Variants in RABGAP1 observed in about 807,000 individuals in gnomAD.
RABGAP1 encodes the protein rab GTPase-activating protein 1.
RABGAP1 carries 23 observed loss-of-function variants against 137.6 expected under a neutral mutation model. The observed-to-expected ratio is 0.17, with a 90% CI of 0.12 to 0.24. The LOEUF (loss-of-function observed/expected upper bound fraction) is 0.24. Ranked by LOEUF, RABGAP1 falls within the 10% of genes least tolerant of loss-of-function variation. The pLI is 1.00. For missense variants in RABGAP1, 906 were observed against 1,275.8 expected (o/e 0.71, Z 4.42); for synonymous variants, 451 against 450.7 (o/e 1.00, Z -0.01).
At position 122,997,264 on chromosome 9, in the gene RABGAP1, T is replaced by G; in HGVS notation, c.1107T>G (p.Ser369=). 1.2e-6 allele frequency: 2 copies of G among 1,603,332 alleles called. No individual in the cohort carries two copies. Among genetic ancestry groups the G allele is most frequent in the Non-Finnish European group, 1.7e-6 (2 of 1,175,380 alleles). Residue 369 remains serine, a synonymous_variant, in exon 9 of 26, where the codon TCT becomes TCG. Coordinates refer to ENST00000373647, the MANE Select transcript of RABGAP1 (RefSeq NM_012197.4). ...NSDMHLLDLE[S]MGKSSDGKSY... Reference sequence around the variant, plus strand: ...TTTTTACTCTTTTTTTCTAGGAATCTATGGGCAAAAGTTCAGATGGAAAGT... The same window carrying G: ...TTTTTACTCTTTTTTTCTAGGAATCGATGGGCAAAAGTTCAGATGGAAAGT...
intron 1 of RABGAP1, among the ~76,000 whole-genome samples, chr9:122,944,820 A>C (rs1448587566): frequency 6.6e-6 from 1 of 151,476 alleles, no homozygotes; most frequent in Non-Finnish European, 1.5e-5. Context: ...CAGGTAATCC[A>C]CCTGCCTCGG....
chr9:123,020,965 T>C (rs1310283330), intron 13 of RABGAP1: 4 of 851,878 alleles, frequency 4.7e-6, no homozygotes, highest in Non-Finnish European at 5.6e-6. Context: ...CCTCAAAGTT[T>C]TGCAAGCAAA....
At chr9:122,972,225 T>TC (rs1192685627) in intron 2 of RABGAP1, among the ~76,000 whole-genome samples, 20 of 152,162 alleles carry the variant, frequency 1.3e-4, no homozygotes, top group African/African-American at 4.8e-4. Flanking sequence ...GCCCAGGAGT[T>TC]CAAGACCAGC....
chr9:122,972,879 T>G (rs1447125143), intron 2 of RABGAP1, among the ~76,000 whole-genome samples: 2 of 151,846 alleles, frequency 1.3e-5, no homozygotes, highest in Non-Finnish European at 2.9e-5. Context: ...CTCACACCTG[T>G]AATCCCAGCA....
In RABGAP1 at chr9:122,959,336, G is replaced by A. The variant is rs149178481; in HGVS notation, c.150+2127G>A. 2.7e-3 allele frequency among the ~76,000 whole-genome samples: 382 copies of A among 140,246 alleles called. 3 individuals carry two copies. Among genetic ancestry groups the A allele is most frequent in the African/African-American group, 9.8e-3 (369 of 37,620 alleles). The allele number at this position is 140,246 out of a possible 152,430, so 92.0% of individuals were successfully genotyped here. Reference sequence around the variant, plus strand: ...TGGGCTGGATTGTGTAGAACCCTGTGGAGCTTAATAGAAAGTGTGGGGCTT... The same window carrying A: ...TGGGCTGGATTGTGTAGAACCCTGTAGAGCTTAATAGAAAGTGTGGGGCTT... On this transcript the variant is annotated intron_variant, in intron 2 of 25. Coordinates refer to ENST00000373647, the MANE Select transcript of RABGAP1 (RefSeq NM_012197.4).
chr9:122,952,981 T>C (rs1195936942), intron 1 of RABGAP1, among the ~76,000 whole-genome samples: 1 of 152,242 alleles, frequency 6.6e-6, no homozygotes, highest in Non-Finnish European at 1.5e-5. Flanking sequence ...TTCCTTTCTG[T>C]GATACATAAA....
chr9:122,978,420 C>T (rs1249636181), intron 2 of RABGAP1, among the ~76,000 whole-genome samples: 1 of 152,110 alleles, frequency 6.6e-6, no homozygotes, highest in Non-Finnish European at 1.5e-5. Flanking sequence ...TTAATCTACT[C>T]ACCAGTGAAT....
intron 2 of RABGAP1, among the ~76,000 whole-genome samples, chr9:122,959,505 C>T (rs1279266230): frequency 2.6e-5 from 4 of 151,656 alleles, no homozygotes; most frequent in African/African-American, 9.7e-5. Context: ...GAACTGGTGA[C>T]AATTACAAAA....
chr9:123,013,401 G>A (rs141019817), intron 11 of RABGAP1, among the ~76,000 whole-genome samples: 19 of 151,252 alleles, frequency 1.3e-4, no homozygotes, highest in East Asian at 7.8e-4. Context: ...GCACAATTTC[G>A]GCTCACTGCA....
intron 3 of RABGAP1, 53 bp from the exon 4 acceptor site, chr9:122,986,162 C>G: frequency 1.3e-6 from 2 of 1,530,458 alleles, no homozygotes; most frequent in South Asian, 1.1e-5. Flanking sequence ...CTAATCGTAT[C>G]AACAAAATAT....
rs529733861 is a variant in RABGAP1 at position 123,081,129 on chromosome 9, G to A, written c.2424+4367G>A. On this transcript the variant is annotated intron_variant, in intron 19 of 25. Transcript: ENST00000373647. ...AGTAAATATATTTTCTCTTCCTTACGATTTTCTTAATATTTTCTCTAGCTT... is the reference window on the plus strand; with the variant it reads ...AGTAAATATATTTTCTCTTCCTTACAATTTTCTTAATATTTTCTCTAGCTT... Among the ~76,000 whole-genome samples the A allele has an allele frequency of 1.2e-4, 19 of 152,182 alleles. 1 individual carries two copies. The highest frequency in any genetic ancestry group is 2.6e-4 in the Non-Finnish European group (18 of 68,008).
chr9:123,054,248 C>T lies in RABGAP1; in HGVS notation c.1795-11100C>T, dbSNP rs369505995. ...TGCAAATAAATCACAAGAACAGAGC[C>T]TACCTGTGATTACTATTGAGCATAT... is the stretch of plus-strand genomic sequence containing the variant. On this transcript the variant is annotated intron_variant, in intron 13 of 25. Coordinates refer to ENST00000373647, the MANE Select transcript of RABGAP1 (RefSeq NM_012197.4). Among the ~76,000 whole-genome samples, 23 of 152,268 alleles carry T rather than the reference C, an allele frequency of 1.5e-4. No individual in the cohort carries two copies. The East Asian group carries it at 4.0e-3, about 27-fold the overall frequency.
At chr9:123,006,997 T>A (rs949374926) in intron 10 of RABGAP1, among the ~76,000 whole-genome samples, 3 of 152,338 alleles carry the variant, frequency 2.0e-5, no homozygotes, top group African/African-American at 7.2e-5. Context: ...CTGGATTTTT[T>A]TACTTGTTTA....
At chr9:122,991,124 A>G (rs923035871) in intron 6 of RABGAP1, among the ~76,000 whole-genome samples, 1 of 151,852 alleles carries the variant, frequency 6.6e-6, no homozygotes, top group Non-Finnish European at 1.5e-5. Context: ...ACTTAGCTTT[A>G]GTTTAATTAT....
At chr9:123,055,119 G>A (rs1404882921) in intron 13 of RABGAP1, among the ~76,000 whole-genome samples, 17 of 152,164 alleles carry the variant, frequency 1.1e-4, no homozygotes. Flanking sequence ...TCTGCATGGA[G>A]GATTTGTCTC....
At chr9:123,030,358 G>T (rs1455694940) in intron 13 of RABGAP1, among the ~76,000 whole-genome samples, 1 of 151,944 alleles carries the variant, frequency 6.6e-6, no homozygotes, top group Non-Finnish European at 1.5e-5. Context: ...TATAGAAATT[G>T]GAAAATTCAG....
At chr9:122,991,649 C>T (rs1836729823) in intron 6 of RABGAP1, among the ~76,000 whole-genome samples, 2 of 149,386 alleles carry the variant, frequency 1.3e-5, no homozygotes, top group Admixed American at 1.3e-4. Flanking sequence ...GTTGCTCAGG[C>T]TTGAATGCAA....
chr9:123,015,715 T>G lies in RABGAP1; in HGVS notation c.1643+79T>G, dbSNP rs2031175850. ...AGAATCTTACCTAACTATAATCAAT[T>G]TTGGAACCAGTAGTAGAAACCTAAG... is the stretch of plus-strand genomic sequence containing the variant. On this transcript the variant is annotated intron_variant, in intron 12 of 25. Transcript: ENST00000373647. 32 of 985,576 alleles carry G rather than the reference T, an allele frequency of 3.2e-5. 1 individual carries two copies. In the South Asian group the frequency reaches 5.1e-4, roughly 16 times the overall value. The allele number at this position is 985,576 out of a possible 1,614,324, so 61.1% of individuals were successfully genotyped here.
chr9:123,000,589 G>A (rs999155413), intron 10 of RABGAP1, among the ~76,000 whole-genome samples: 7 of 152,188 alleles, frequency 4.6e-5, no homozygotes, highest in African/African-American at 7.2e-5. Flanking sequence ...TGTCCAAAAA[G>A]GTTTATTATC....
Sources: allele counts gnomAD v4.1 joint callset (sites outside exome capture counted in the v4.1 genomes callset), GRCh38; gene constraint gnomAD v4.1.1; transcripts MANE v1.5; gene names NCBI Gene and HGNC (gene_info 2026-07-23, HGNC 2026-07-21).